PLCB4: variants seen among roughly 807,000 people sequenced by gnomAD.
The protein encoded by PLCB4 is 1-phosphatidylinositol 4,5-bisphosphate phosphodiesterase beta-4.
A neutral mutation model predicts 178.8 loss-of-function variants in PLCB4; 77 were observed. The ratio of observed to expected loss-of-function variants is 0.43; its 90% confidence interval spans 0.36 to 0.52. The LOEUF (loss-of-function observed/expected upper bound fraction) is 0.52, where lower values mean the gene tolerates loss of function less well. Among genes scored for constraint, PLCB4 ranks in the 20% least tolerant of loss-of-function variants. The pLI is 0.00. For synonymous variants in PLCB4, 496 were observed against 490.8 expected (o/e 1.01, Z -0.14); for missense variants, 1,024 against 1,453.4 (o/e 0.70, Z 4.80).
At chr20:9,456,632 T>C (rs888526085) in intron 33 of PLCB4, among the ~76,000 whole-genome samples, 1 of 152,218 alleles carries the variant, frequency 6.6e-6, no homozygotes, top group Admixed American at 6.5e-5. Context: ...GTTTCGGCAG[T>C]GCTGCAAACT....
intron 20 of PLCB4, 61 bp downstream of exon 20, chr20:9,401,651 G>A: frequency 8.9e-7 from 1 of 1,126,060 alleles, no homozygotes; most frequent in Non-Finnish European, 1.3e-6. Context: ...ATGAAATTTT[G>A]GAAATGTGAG....
At position 9,069,087 on chromosome 20, in the gene PLCB4, A is replaced by C. The variant is rs1284178320; in HGVS notation, c.-254A>C. 6 of 152,896 alleles carry C rather than the reference A, an allele frequency of 3.9e-5. No homozygotes were observed. The highest frequency in any genetic ancestry group is 8.8e-5 in the Non-Finnish European group (6 of 68,336). The allele number at this position is 152,896 out of a possible 1,614,324, so 9.5% of individuals were successfully genotyped here. A position where few individuals can be genotyped will look rare whatever the true frequency, so the allele number is the denominator to read the frequency against. ...AGCTGCACCGCCAACAAGATCTCTC[A>C]CACACAGACACACACACGCACACGC... On this transcript the variant is annotated 5_prime_UTR_variant, in exon 1 of 40. Coordinates refer to ENST00000378473, the MANE Select transcript of PLCB4 (RefSeq NM_001377142.1).
intron 3 of PLCB4, among the ~76,000 whole-genome samples, chr20:9,254,463 G>A (rs2147504145): frequency 6.6e-6 from 1 of 152,318 alleles, no homozygotes; most frequent in African/African-American, 2.4e-5. Context: ...GGGAGGCCAA[G>A]GCAGGTGGAC....
chr20:9,362,428 AAACATAGGT>A (rs1457690315), intron 7 of PLCB4, among the ~76,000 whole-genome samples: 1 of 152,214 alleles, frequency 6.6e-6, no homozygotes. Flanking sequence ...CTTTGCTGGA[AAACATAGGT>A]AAGATAAGTA....
At chr20:9,393,727 G>A (rs202138932) in intron 18 of PLCB4, 49 bp downstream of exon 18, 2 of 1,171,108 alleles carry the variant, frequency 1.7e-6, no homozygotes, top group East Asian at 4.7e-5. Flanking sequence ...AACATGTGTG[G>A]ACATTTCAGC....
intron 1 of PLCB4, among the ~76,000 whole-genome samples, chr20:9,087,037 T>A (rs376925215): frequency 2.0e-5 from 3 of 152,232 alleles, no homozygotes; most frequent in East Asian, 1.9e-4. Context: ...ACTTTTTTCA[T>A]CCTTCCAACT....
intron 2 of PLCB4, among the ~76,000 whole-genome samples, chr20:9,132,707 A>G (rs1255800191): frequency 6.6e-6 from 1 of 152,124 alleles, no homozygotes; most frequent in Non-Finnish European, 1.5e-5. Context: ...CCACCACTGC[A>G]TTTCATTCTC....
At chr20:9,272,278 A>G (rs1356844709) in intron 3 of PLCB4, among the ~76,000 whole-genome samples, 1 of 152,124 alleles carries the variant, frequency 6.6e-6, no homozygotes, top group African/African-American at 2.4e-5. Flanking sequence ...TGCTGTTGCA[A>G]TGAGGTTCGC....
At chr20:9,177,608 A>C (rs2093176566) in intron 2 of PLCB4, among the ~76,000 whole-genome samples, 1 of 152,142 alleles carries the variant, frequency 6.6e-6, no homozygotes, top group Non-Finnish European at 1.5e-5. Context: ...AAAGGGGTGT[A>C]GATGGATAAG....
chr20:9,365,002 G>GTGCAGT (rs2035652340), intron 8 of PLCB4, among the ~76,000 whole-genome samples: 2 of 152,126 alleles, frequency 1.3e-5, no homozygotes, highest in Non-Finnish European at 2.9e-5. Context: ...TGCTGTCACC[G>GTGCAGT]TGCAGTTGCA....
At chr20:9,200,319 C>T (rs1042764896) in intron 2 of PLCB4, among the ~76,000 whole-genome samples, 1 of 152,196 alleles carries the variant, frequency 6.6e-6, no homozygotes, top group Non-Finnish European at 1.5e-5. Flanking sequence ...GCTGTTGTCT[C>T]TGTTTTCAAA....
intron 9 of PLCB4, among the ~76,000 whole-genome samples, chr20:9,369,071 A>G (rs1469671458): frequency 2.6e-5 from 4 of 152,000 alleles, no homozygotes; most frequent in African/African-American, 9.7e-5. Context: ...ACATTCTTCT[A>G]CTTTCTATTT....
intron 16 of PLCB4, 65 bp from the exon 17 acceptor site, chr20:9,390,466 G>A (rs2038048305): frequency 2.7e-6 from 2 of 738,470 alleles, no homozygotes; most frequent in South Asian, 1.6e-5. Context: ...CTAGTAATGG[G>A]TGTTTCTTAT....
At chr20:9,275,092 T>C (rs1181803715) in intron 3 of PLCB4, among the ~76,000 whole-genome samples, 1 of 152,070 alleles carries the variant, frequency 6.6e-6, no homozygotes, top group African/African-American at 2.4e-5. Context: ...TTAGCCCGTT[T>C]TCATGCTGCT....
chr20:9,403,040 A>T lies in PLCB4; in HGVS notation c.1611+1450A>T, dbSNP rs1160203771. ...AAGTGAAGACGATAACACCTATTTC[A>T]TGGGGTCACTGTGAAGAGTGGATGG... On this transcript the variant is annotated intron_variant, in intron 20 of 39. Coordinates refer to ENST00000378473, the MANE Select transcript of PLCB4 (RefSeq NM_001377142.1). Among the ~76,000 whole-genome samples the T allele has an allele frequency of 3.9e-5, 6 of 152,100 alleles. No homozygotes were observed. In the East Asian group the frequency reaches 1.2e-3, roughly 29 times the overall value.
intron 2 of PLCB4, among the ~76,000 whole-genome samples, chr20:9,159,841 G>T (rs1420714848): frequency 1.3e-5 from 2 of 152,126 alleles, no homozygotes; most frequent in African/African-American, 2.4e-5. Context: ...AAATATTATG[G>T]TTCCAAAGTC....
chr20:9,371,208 C>T lies in PLCB4; in HGVS notation c.504-6C>T, dbSNP rs184366128. The T allele has an allele frequency of 7.4e-5, 116 of 1,570,228 alleles. No homozygotes were observed. In the East Asian group the frequency reaches 2.4e-3, roughly 32 times the overall value. ...GGAATGTGTGTTTCTTTCTTTTCTG[C>T]CCTAGTATTACTAGAACATTTGCAT... On this transcript the variant is annotated splice_polypyrimidine_tract_variant and splice_region_variant and intron_variant, in intron 9 of 39. Transcript: ENST00000378473.
intron 2 of PLCB4, among the ~76,000 whole-genome samples, chr20:9,101,443 CAT>C (rs2091147566): frequency 6.6e-6 from 1 of 152,078 alleles, no homozygotes. Context: ...CTTTAATAGT[CAT>C]ATTTGCCGTC....
chr20:9,455,451 C>A (rs1329970391), intron 33 of PLCB4, among the ~76,000 whole-genome samples: 2 of 152,078 alleles, frequency 1.3e-5, no homozygotes, highest in African/African-American at 4.8e-5. Flanking sequence ...TAAAATATAT[C>A]TTTACCTCAT....
Sources: allele counts gnomAD v4.1 joint callset (sites outside exome capture counted in the v4.1 genomes callset), GRCh38; gene constraint gnomAD v4.1.1; transcripts MANE v1.5; gene names NCBI Gene and HGNC (gene_info 2026-07-23, HGNC 2026-07-21).